Variants in ITFG1 observed in about 807,000 individuals in gnomAD.
The protein encoded by ITFG1 is T-cell immunomodulatory protein.
In ITFG1, 34 loss-of-function variants were observed where a neutral mutation model predicts 81.8. That is an observed-to-expected ratio of 0.42 (90% CI 0.32 to 0.55). The LOEUF (loss-of-function observed/expected upper bound fraction) is 0.55. ITFG1 is among the 20% of genes least tolerant of loss of function. The pLI is 0.17. For missense variants in ITFG1, 672 were observed against 755.4 expected, an observed-to-expected ratio of 0.89 and a Z score of 1.29; for synonymous variants, 285 against 270.6, an observed-to-expected ratio of 1.05 and a Z score of -0.52.
chr16:47,313,630 T>A (rs1462260134), intron 9 of ITFG1, 99 bp downstream of exon 9: 2 of 456,938 alleles, frequency 4.4e-6, no homozygotes, highest in Non-Finnish European at 7.7e-6. Context: ...ATTTTGGGGT[T>A]CCCTCTGTTC....
chr16:47,334,770 T>C (rs187777634), intron 8 of ITFG1, among the ~76,000 whole-genome samples: 111 of 152,348 alleles, frequency 7.3e-4, no homozygotes, highest in Admixed American at 1.6e-3. Context: ...TCCCATTTTA[T>C]GATATTACTC....
At chr16:47,409,655 G>C (rs1968784796) in intron 6 of ITFG1, among the ~76,000 whole-genome samples, 1 of 149,952 alleles carries the variant, frequency 6.7e-6, no homozygotes, top group Non-Finnish European at 1.5e-5. Flanking sequence ...CTGACCTTGT[G>C]ATCCACCCGC....
intron 7 of ITFG1, among the ~76,000 whole-genome samples, chr16:47,371,723 A>G (rs1968256271): frequency 6.6e-6 from 1 of 152,138 alleles, no homozygotes; most frequent in South Asian, 2.1e-4. Flanking sequence ...GTCTGCAGAC[A>G]TTTTTGATTG....
chr16:47,199,676 A>C (rs1965401021), intron 14 of ITFG1, among the ~76,000 whole-genome samples: 1 of 152,088 alleles, frequency 6.6e-6, no homozygotes, highest in African/African-American at 2.4e-5. Context: ...GACCCCATGG[A>C]CCGGGGGTGG....
chr16:47,365,776 AC>A lies in ITFG1; in HGVS notation c.802+11del. The A allele has an allele frequency of 7.2e-7, 1 of 1,395,822 alleles. No homozygotes were observed. 86.5% of individuals were successfully genotyped at this position (1,395,822 alleles called of 1,614,324 possible). A position where few individuals can be genotyped will look rare whatever the true frequency, so the allele number is the denominator to read the frequency against. ...GCAAAAGCCTTTTTTTTTTTTTTTT[AC>A]CAAATCTTACCAAAGTCTGCAAATG... On this transcript the variant is annotated intron_variant, in intron 8 of 17. Transcript: ENST00000320640.
At chr16:47,254,319 C>G (rs998760097) in intron 12 of ITFG1, among the ~76,000 whole-genome samples, 1 of 152,018 alleles carries the variant, frequency 6.6e-6, no homozygotes, top group Non-Finnish European at 1.5e-5. Flanking sequence ...TCTAAATGAT[C>G]AATATAAAAA....
chr16:47,280,366 T>G (rs1265360413), intron 10 of ITFG1, among the ~76,000 whole-genome samples: 1 of 152,208 alleles, frequency 6.6e-6, no homozygotes, highest in Admixed American at 6.6e-5. Context: ...TGAACTGATA[T>G]GCTTATTCCT....
intron 6 of ITFG1, among the ~76,000 whole-genome samples, chr16:47,392,381 G>C (rs1433100635): frequency 2.6e-5 from 4 of 151,914 alleles, no homozygotes; most frequent in African/African-American, 9.7e-5. Flanking sequence ...GTAAAGGCTG[G>C]AGGTGACAGT....
intron 8 of ITFG1, among the ~76,000 whole-genome samples, chr16:47,328,828 C>G (rs1452033402): frequency 2.6e-5 from 4 of 152,132 alleles, no homozygotes; most frequent in Non-Finnish European, 4.4e-5. Flanking sequence ...TTATGACAAA[C>G]TACTAGCTAA....
At chr16:47,189,008 C>T (rs1415293035) in intron 14 of ITFG1, among the ~76,000 whole-genome samples, 1 of 152,180 alleles carries the variant, frequency 6.6e-6, no homozygotes, top group African/African-American at 2.4e-5. Flanking sequence ...CAGTGATCCA[C>T]CTGCCTCAGC....
At chr16:47,257,795 C>G (rs975446180) in intron 12 of ITFG1, among the ~76,000 whole-genome samples, 2 of 152,192 alleles carry the variant, frequency 1.3e-5, no homozygotes, top group Admixed American at 6.5e-5. Context: ...GCAACGAGCA[C>G]ACTGGGCAAC....
At chr16:47,286,394 C>G (rs1309328454) in intron 10 of ITFG1, among the ~76,000 whole-genome samples, 4 of 152,116 alleles carry the variant, frequency 2.6e-5, no homozygotes, top group Non-Finnish European at 5.9e-5. Flanking sequence ...AATCCCAACA[C>G]TCTGGGAGGC....
chr16:47,349,331 C>G (rs1967913334), intron 8 of ITFG1, among the ~76,000 whole-genome samples: 1 of 151,750 alleles, frequency 6.6e-6, no homozygotes, highest in Non-Finnish European at 1.5e-5. Flanking sequence ...TGTGCAGAGA[C>G]ACACATAGGC....
At chr16:47,181,112 G>A (rs1436635358) in intron 14 of ITFG1, among the ~76,000 whole-genome samples, 4 of 148,264 alleles carry the variant, frequency 2.7e-5, no homozygotes, top group Non-Finnish European at 6.0e-5. Flanking sequence ...CTGCCCGGCC[G>A]CCCATCGTCT....
At chr16:47,177,173 T>G (rs2151511927) in intron 14 of ITFG1, among the ~76,000 whole-genome samples, 1 of 152,280 alleles carries the variant, frequency 6.6e-6, no homozygotes, top group South Asian at 2.1e-4. Flanking sequence ...TCTCACTGTC[T>G]TGCCCAAGCT....
chr16:47,290,885 T>C (rs1001149386), intron 10 of ITFG1, among the ~76,000 whole-genome samples: 3 of 152,220 alleles, frequency 2.0e-5, no homozygotes, highest in African/African-American at 7.2e-5. Flanking sequence ...ACTTTGTTTC[T>C]TTATTCCAAT....
chr16:47,371,634 T>A (rs919978684), intron 7 of ITFG1, among the ~76,000 whole-genome samples: 2 of 152,204 alleles, frequency 1.3e-5, no homozygotes, highest in African/African-American at 4.8e-5. Context: ...TAATGATGAC[T>A]GCATGCCCCT....
chr16:47,287,440 A>C (rs1156732783), intron 10 of ITFG1, among the ~76,000 whole-genome samples: 2 of 151,744 alleles, frequency 1.3e-5, no homozygotes, highest in Non-Finnish European at 2.9e-5. Context: ...TTGTTCTGTC[A>C]CCCAGGCAGG....
At chr16:47,421,010 C>T (rs1180567660) in intron 6 of ITFG1, among the ~76,000 whole-genome samples, 1 of 151,920 alleles carries the variant, frequency 6.6e-6, no homozygotes, top group Non-Finnish European at 1.5e-5. Flanking sequence ...ATATAAAGAC[C>T]TTATATGTCT....
Sources: gnomAD v4.1 joint callset for allele counts (sites outside exome capture counted in the v4.1 genomes callset) on GRCh38, gnomAD v4.1.1 for gene constraint, MANE v1.5 for transcripts, NCBI Gene and HGNC (gene_info 2026-07-23, HGNC 2026-07-21) for gene names.